Variants in FBXL20 observed in about 807,000 individuals in gnomAD.
FBXL20 encodes the protein F-box/LRR-repeat protein 20.
FBXL20 carries 11 observed loss-of-function variants against 64.0 expected under a neutral mutation model. The ratio of observed to expected loss-of-function variants is 0.17; its 90% CI spans 0.11 to 0.28. FBXL20 has a LOEUF of 0.28. Ranked by LOEUF, FBXL20 falls within the 10% of genes least tolerant of loss-of-function variation. FBXL20 has a pLI of 1.00. For synonymous variants in FBXL20, 184 were observed against 189.0 expected, an observed-to-expected ratio of 0.97 and a Z score of 0.22; for missense variants, 303 against 526.2, an observed-to-expected ratio of 0.58 and a Z score of 4.15.
In FBXL20 at chr17:39,385,068, C is replaced by A. The variant is rs967270720; in HGVS notation, c.42+16293G>T. ...GCACACAATGGCTCACACCTGTAAT[C>A]CCAATTAGCTATGCATGGTGGTGCA... On this transcript the variant is annotated intron_variant, in intron 1 of 14. Transcript: ENST00000264658. 2.6e-5 allele frequency among the ~76,000 whole-genome samples: 4 copies of A among 152,176 alleles called. No individual in the cohort carries two copies. The East Asian group carries it at 5.8e-4, about 22-fold the overall frequency.
chr17:39,305,609 G>A (rs938257122), intron 2 of FBXL20, among the ~76,000 whole-genome samples: 5 of 152,146 alleles, frequency 3.3e-5, no homozygotes, highest in Non-Finnish European at 7.4e-5. Flanking sequence ...CACCATTTTG[G>A]GATGTGAGGG....
intron 1 of FBXL20, among the ~76,000 whole-genome samples, chr17:39,387,277 CTT>C (rs34511500): frequency 2.0e-4 from 25 of 125,984 alleles, no homozygotes; most frequent in African/African-American, 2.0e-4. Flanking sequence ...ATTAACTGCA[CTT>C]TTTTTTTTTT....
Position 39,401,437 on chromosome 17 carries a change from G to T in FBXL20, c.-35C>A. ...GGGTGCGGCCCGGGCCGGGCGCTGC[G>T]GCGAGCGGAGTGCACAGACCGGGGG... On this transcript the variant is annotated 5_prime_UTR_variant, in exon 1 of 15. Transcript: ENST00000264658. 1 of 1,569,802 alleles carries T rather than the reference G, an allele frequency of 6.4e-7. No individual in the cohort carries two copies. Among genetic ancestry groups the T allele is most frequent in the South Asian group, 1.2e-5 (1 of 86,408 alleles).
upstream of FBXL20, chr17:39,402,012 G>A (rs142479877): frequency 0.012 from 7,089 of 587,676 alleles, 51 homozygotes; most frequent in East Asian, 0.024. Flanking sequence ...CTTCTGCCCC[G>A]TGTCCCCCTC....
chr17:39,299,863 T>G (rs1393591398), intron 4 of FBXL20, among the ~76,000 whole-genome samples: 1 of 151,936 alleles, frequency 6.6e-6, no homozygotes, highest in South Asian at 2.1e-4. Flanking sequence ...TTTGGGAGGC[T>G]GAGGCAGGCA....
chr17:39,271,048 G>T (rs1024957918), intron 10 of FBXL20, among the ~76,000 whole-genome samples, 192 bp from the exon 11 acceptor site: 1 of 152,064 alleles, frequency 6.6e-6, no homozygotes, highest in Non-Finnish European at 1.5e-5. Flanking sequence ...TCATAAAGTG[G>T]TCCTATAAAT....
intron 9 of FBXL20, among the ~76,000 whole-genome samples, chr17:39,276,562 G>A (rs954398367): frequency 2.6e-5 from 4 of 151,938 alleles, no homozygotes; most frequent in African/African-American, 9.7e-5. Flanking sequence ...CCAGCTACTC[G>A]GGAGGCTGAG....
In FBXL20 at chr17:39,298,974, ATAG is replaced by A. The variant is rs2047110711; in HGVS notation, c.329+13_329+15del. The A allele has an allele frequency of 1.3e-6, 2 of 1,596,050 alleles. No individual in the cohort carries two copies. Among genetic ancestry groups the A allele is most frequent in the East Asian group, 4.5e-5 (2 of 44,760 alleles). On this transcript the variant is annotated intron_variant, in intron 5 of 14. Coordinates refer to ENST00000264658, the MANE Select transcript of FBXL20 (RefSeq NM_032875.3). ...TCACTTCCATCAAGAAGATTAATCAATAGTTATGTTTTTACCTTAATGCATTGT... is the reference window on the plus strand; with the variant it reads ...TCACTTCCATCAAGAAGATTAATCAATTATGTTTTTACCTTAATGCATTGT...
chr17:39,333,695 GT>G (rs2047488275), intron 2 of FBXL20, among the ~76,000 whole-genome samples: 1 of 152,016 alleles, frequency 6.6e-6, no homozygotes, highest in South Asian at 2.1e-4. Flanking sequence ...CGTCTAGGAA[GT>G]GAGGAGCGTC....
intron 2 of FBXL20, among the ~76,000 whole-genome samples, chr17:39,340,821 ATTTTGAACCATTACTT>A (rs1486854480): frequency 6.6e-6 from 1 of 152,038 alleles, no homozygotes; most frequent in Non-Finnish European, 1.5e-5. Flanking sequence ...TTTGAAAGTA[ATTTTGAACCATTACTT>A]AAAACTTTTA....
intron 1 of FBXL20, among the ~76,000 whole-genome samples, chr17:39,359,873 G>T (rs1347108280): frequency 6.6e-6 from 1 of 151,994 alleles, no homozygotes; most frequent in Non-Finnish European, 1.5e-5. Flanking sequence ...AAGTCACTCA[G>T]GTGTCCAACA....
chr17:39,322,320 G>A (rs1353194569), intron 2 of FBXL20, among the ~76,000 whole-genome samples: 1 of 151,962 alleles, frequency 6.6e-6, no homozygotes, highest in African/African-American at 2.4e-5. Flanking sequence ...GAAGTGAGCT[G>A]TTTTACAATT....
rs2046833210 is a variant in FBXL20, at chr17:39,270,355, C to A, written c.888+441G>T. Among the ~76,000 whole-genome samples, 3 of 152,072 alleles carry A rather than the reference C, an allele frequency of 2.0e-5. No homozygotes were observed. In the South Asian group the frequency reaches 6.2e-4, roughly 32 times the overall value. On this transcript the variant is annotated intron_variant, in intron 11 of 14. Coordinates refer to ENST00000264658, the MANE Select transcript of FBXL20 (RefSeq NM_032875.3). Reference sequence around the variant, plus strand: ...GGTTGGGAGTTGAAGACCAGCCTGGCCAACATGGTGAAACCCTGTCTCTAC... The same window carrying A: ...GGTTGGGAGTTGAAGACCAGCCTGGACAACATGGTGAAACCCTGTCTCTAC...
At chr17:39,263,432 T>C (rs979308370) in intron 14 of FBXL20, among the ~76,000 whole-genome samples, 1 of 151,522 alleles carries the variant, frequency 6.6e-6, no homozygotes, top group African/African-American at 2.4e-5. Flanking sequence ...GCAGGAAGCC[T>C]TGAGCCTGGG....
intron 2 of FBXL20, among the ~76,000 whole-genome samples, chr17:39,311,288 A>T (rs775133208): frequency 6.6e-6 from 1 of 152,202 alleles, no homozygotes; most frequent in African/African-American, 2.4e-5. Flanking sequence ...GCAGTATTTT[A>T]TCTTCTCCTT....
chr17:39,306,771 C>T (rs920048702), intron 2 of FBXL20, among the ~76,000 whole-genome samples: 4 of 152,188 alleles, frequency 2.6e-5, no homozygotes, highest in East Asian at 3.8e-4. Flanking sequence ...TACACATTTA[C>T]TTCCTCTAAC....
At chr17:39,307,187 C>A (rs927242832) in intron 2 of FBXL20, among the ~76,000 whole-genome samples, 1 of 152,084 alleles carries the variant, frequency 6.6e-6, no homozygotes, top group Non-Finnish European at 1.5e-5. Context: ...CTGCTATCTA[C>A]GGGCACTGTT....
Position 39,315,393 on chromosome 17 carries a change from T to TTATATATATATATATATATATA in FBXL20, c.105-11755_105-11754insTATATATATATATATATATATA, listed in dbSNP as rs59563317. ...TATTAATGGGCAAAGTTTAAATAAT[T>TTATATATATATATATATATATA]TATATATATATATATATATAGTACA... On this transcript the variant is annotated intron_variant, in intron 2 of 14. Transcript: ENST00000264658. Among the ~76,000 whole-genome samples the TTATATATATATATATATATATA allele has an allele frequency of 3.6e-3, 483 of 134,372 alleles. 4 individuals carry two copies. Among genetic ancestry groups the TTATATATATATATATATATATA allele is most frequent in the Non-Finnish European group, 5.6e-3 (352 of 63,288 alleles). The allele number at this position is 134,372 out of a possible 152,430, so 88.2% of individuals were successfully genotyped here. A position where few individuals can be genotyped will look rare whatever the true frequency, so the allele number is the denominator to read the frequency against.
At position 39,262,399 on chromosome 17, in the gene FBXL20, G is replaced by A. The variant is rs532478560; in HGVS notation, c.1204-832C>T. On this transcript the variant is annotated intron_variant, in intron 14 of 14. Transcript: ENST00000264658. ...TGGTTCAAGCGATTTTCCTGCCTCA[G>A]CCTCCTGAGCAGCTGGGATTACAGG... Among the ~76,000 whole-genome samples the A allele has an allele frequency of 5.9e-5, 9 of 152,136 alleles. No individual in the cohort carries two copies. In the South Asian group the frequency reaches 1.7e-3, roughly 28 times the overall value.
Sources: gnomAD v4.1 joint callset for allele counts (sites outside exome capture counted in the v4.1 genomes callset) on GRCh38, gnomAD v4.1.1 for gene constraint, MANE v1.5 for transcripts, NCBI Gene and HGNC (gene_info 2026-07-23, HGNC 2026-07-21) for gene names.